KCND3: variants seen among roughly 807,000 people sequenced by gnomAD.
KCND3 encodes potassium voltage-gated channel subfamily D member 3.
A neutral mutation model predicts 51.1 loss-of-function variants in KCND3; 9 were observed. That is an observed-to-expected ratio of 0.18 (90% CI 0.11 to 0.31). The LOEUF (loss-of-function observed/expected upper bound fraction) is 0.31, where lower values mean the gene tolerates loss of function less well. Ranked by LOEUF, KCND3 falls within the 10% of genes least tolerant of loss-of-function variation. KCND3 has a pLI of 1.00. For synonymous variants in KCND3, 349 were observed against 368.0 expected, an observed-to-expected ratio of 0.95 and a Z score of 0.59; for missense variants, 526 against 903.8, an observed-to-expected ratio of 0.58 and a Z score of 5.36.
At chr1:111,841,912 G>A (rs980350064) in intron 2 of KCND3, among the ~76,000 whole-genome samples, 2 of 152,194 alleles carry the variant, frequency 1.3e-5, no homozygotes, top group African/African-American at 2.4e-5. Context: ...ATGCCCAAGC[G>A]GCCCTGGGAG....
chr1:111,775,068 C>T lies in KCND3; in HGVS notation c.*1009G>A, dbSNP rs1049986760. Reference sequence around the variant, plus strand: ...AACTGCAAACACGAGTGGTTCCAACCCCAAGGGAAGTACCTCTGTTCTGTG... The same window carrying T: ...AACTGCAAACACGAGTGGTTCCAACTCCAAGGGAAGTACCTCTGTTCTGTG... On this transcript the variant is annotated 3_prime_UTR_variant, in exon 8 of 8. Coordinates refer to ENST00000302127, the MANE Select transcript of KCND3 (RefSeq NM_001378969.1). The T allele has an allele frequency of 6.6e-6, 1 of 152,180 alleles. No individual in the cohort carries two copies. Among genetic ancestry groups the T allele is most frequent in the Non-Finnish European group, 1.5e-5 (1 of 68,042 alleles). The allele number at this position is 152,180 out of a possible 1,614,324, so 9.4% of individuals were successfully genotyped here.
chr1:111,830,703 T>G (rs1303819579), intron 2 of KCND3, among the ~76,000 whole-genome samples: 3 of 152,228 alleles, frequency 2.0e-5, no homozygotes, highest in African/African-American at 7.2e-5. Context: ...TTCTAATTCA[T>G]TAAAGAGATT....
intron 2 of KCND3, among the ~76,000 whole-genome samples, chr1:111,972,468 G>A (rs1202417950): frequency 1.3e-5 from 2 of 152,082 alleles, no homozygotes; most frequent in African/African-American, 2.4e-5. Flanking sequence ...CCCCGCGCCC[G>A]GCCCCTATTT....
chr1:111,917,934 T>C (rs1671299174), intron 2 of KCND3, among the ~76,000 whole-genome samples: 1 of 152,212 alleles, frequency 6.6e-6, no homozygotes, highest in Non-Finnish European at 1.5e-5. Flanking sequence ...TGCACCTTGA[T>C]AAACAATGGT....
chr1:111,945,549 A>G lies in KCND3; in HGVS notation c.1106+36072T>C, dbSNP rs560951608. ...ATGAATGCACTGAGGCTCACGGGGG[A>G]GCTTGGCAGCTGCTCTCACTGGCCC... On this transcript the variant is annotated intron_variant, in intron 2 of 7. Coordinates refer to ENST00000302127, the MANE Select transcript of KCND3 (RefSeq NM_001378969.1). 7.9e-5 allele frequency among the ~76,000 whole-genome samples: 12 copies of G among 152,188 alleles called. No homozygotes were observed. The South Asian group carries it at 2.5e-3, about 32-fold the overall frequency.
At chr1:111,820,771 GCCCTAA>G (rs1204386865) in intron 2 of KCND3, among the ~76,000 whole-genome samples, 2 of 152,156 alleles carry the variant, frequency 1.3e-5, no homozygotes, top group Admixed American at 1.3e-4. Flanking sequence ...ATGAGGGTTG[GCCCTAA>G]CCCAATTACT....
At chr1:111,967,154 C>CAAAAAAAAAAAAAAA (rs1251991767) in intron 2 of KCND3, among the ~76,000 whole-genome samples, 1 of 141,766 alleles carries the variant, frequency 7.1e-6, no homozygotes, top group African/African-American at 2.6e-5. Flanking sequence ...AAAAAAAAAA[C>CAAAAAAAAAAAAAAA]AAAAACAAAA....
At chr1:111,920,090 C>T (rs1051574336) in intron 2 of KCND3, among the ~76,000 whole-genome samples, 4 of 152,206 alleles carry the variant, frequency 2.6e-5, no homozygotes, top group Non-Finnish European at 5.9e-5. Flanking sequence ...CCCTAGGGAA[C>T]GTAAGGGAGT....
chr1:111,843,287 TC>T (rs1667410377), intron 2 of KCND3, among the ~76,000 whole-genome samples: 1 of 152,166 alleles, frequency 6.6e-6, no homozygotes, highest in Non-Finnish European at 1.5e-5. Context: ...TAGACTCCAG[TC>T]CCACCAGAGG....
rs575897981 is a variant in KCND3 at position 111,802,969 on chromosome 1, G to A, written c.1107-15863C>T. On this transcript the variant is annotated intron_variant, in intron 2 of 7. Transcript: ENST00000302127. ...CTTTGGAAGGCAGAAATGGAGCTGCGTGCTGTACACTGGCTCACCTGACTC... is the reference window on the plus strand; with the variant it reads ...CTTTGGAAGGCAGAAATGGAGCTGCATGCTGTACACTGGCTCACCTGACTC... 5.3e-5 allele frequency among the ~76,000 whole-genome samples: 8 copies of A among 152,332 alleles called. No homozygotes were observed. The East Asian group carries it at 5.8e-4, about 11-fold the overall frequency.
chr1:111,883,999 G>C (rs542681684), intron 2 of KCND3, among the ~76,000 whole-genome samples: 2 of 152,322 alleles, frequency 1.3e-5, no homozygotes, highest in South Asian at 4.1e-4. Flanking sequence ...ATGCAGATCT[G>C]TCTCAAGTTC....
intron 2 of KCND3, among the ~76,000 whole-genome samples, chr1:111,930,679 A>T (rs1196259010): frequency 6.7e-6 from 1 of 149,876 alleles, no homozygotes; most frequent in African/African-American, 2.4e-5. Flanking sequence ...AAAAAAAGGC[A>T]TCTTGGCTTA....
intron 2 of KCND3, among the ~76,000 whole-genome samples, chr1:111,789,287 A>G (rs1161384923): frequency 6.6e-6 from 1 of 152,232 alleles, no homozygotes; most frequent in Non-Finnish European, 1.5e-5. Flanking sequence ...GACAGTGAGA[A>G]AGCCGAACAA....
At chr1:111,795,161 A>G (rs11586996) in intron 2 of KCND3, among the ~76,000 whole-genome samples, 4,445 of 152,210 alleles carry the variant, frequency 0.029, 90 homozygotes, top group Non-Finnish European at 0.043. Flanking sequence ...GAAACCCCAT[A>G]TCACCTCTCC....
intron 2 of KCND3, among the ~76,000 whole-genome samples, chr1:111,877,931 C>A (rs1343266888): frequency 6.6e-6 from 1 of 152,140 alleles, no homozygotes; most frequent in Non-Finnish European, 1.5e-5. Context: ...TTTACCGGGG[C>A]CCTACTATGT....
At chr1:111,950,606 G>A (rs1571892470) in intron 2 of KCND3, among the ~76,000 whole-genome samples, 3 of 152,306 alleles carry the variant, frequency 2.0e-5, no homozygotes, top group Admixed American at 2.0e-4. Context: ...TGAATGGAGA[G>A]GGCCTTGAAA....
chr1:111,960,030 T>C (rs1328142140), intron 2 of KCND3, among the ~76,000 whole-genome samples: 1 of 147,152 alleles, frequency 6.8e-6, no homozygotes, highest in Admixed American at 7.0e-5. Context: ...CCTGCCGCCA[T>C]GTGGAAAAAA....
intron 2 of KCND3, among the ~76,000 whole-genome samples, chr1:111,927,559 C>T (rs993594137): frequency 1.3e-5 from 2 of 152,244 alleles, no homozygotes; most frequent in African/African-American, 4.8e-5. Context: ...GGAGAGAACC[C>T]TGGGGTGGAC....
At chr1:111,878,665 C>G (rs1669167729) in intron 2 of KCND3, among the ~76,000 whole-genome samples, 1 of 152,222 alleles carries the variant, frequency 6.6e-6, no homozygotes, top group East Asian at 1.9e-4. Flanking sequence ...ATTAGTGGAG[C>G]TAAGAGGATG....
Sources: gnomAD v4.1 joint callset for allele counts (sites outside exome capture counted in the v4.1 genomes callset) on GRCh38, gnomAD v4.1.1 for gene constraint, MANE v1.5 for transcripts, NCBI Gene and HGNC (gene_info 2026-07-23, HGNC 2026-07-21) for gene names.